SAMMSON: variants seen among roughly 807,000 people sequenced by gnomAD.
SAMMSON encodes the protein long intergenic non-protein coding RNA 1212.
At chr3:70,419,954 A>G (rs867017198) in intron 2 of SAMMSON, among the ~76,000 whole-genome samples, 14 of 152,218 alleles carry the variant, frequency 9.2e-5, no homozygotes, top group Non-Finnish European at 1.2e-4. Flanking sequence ...TTTTATACAT[A>G]GAGTTTTTTG....
intron 4 of SAMMSON, among the ~76,000 whole-genome samples, chr3:70,136,878 A>T (rs942148577): frequency 1.3e-5 from 2 of 152,168 alleles, no homozygotes; most frequent in Non-Finnish European, 2.9e-5. Flanking sequence ...TTTTATAGTT[A>T]TGATCAACAG....
At chr3:70,158,172 C>T (rs1320316249) in intron 4 of SAMMSON, among the ~76,000 whole-genome samples, 2 of 152,040 alleles carry the variant, frequency 1.3e-5, no homozygotes, top group East Asian at 3.9e-4. Flanking sequence ...ATCATCCTGG[C>T]ATGATTCCTC....
chr3:70,182,950 A>G (rs958720108), intron 4 of SAMMSON, among the ~76,000 whole-genome samples: 1 of 152,196 alleles, frequency 6.6e-6, no homozygotes. Flanking sequence ...AACGAAAAAG[A>G]CTTCAACAAG....
chr3:70,189,690 T>C (rs1701117235), intron 4 of SAMMSON, among the ~76,000 whole-genome samples: 2 of 152,254 alleles, frequency 1.3e-5, no homozygotes, highest in Non-Finnish European at 2.9e-5. Context: ...GCTCCAGATT[T>C]GGTAAGTAAT....
chr3:70,008,552 G>C (rs1040994841), intron 1 of SAMMSON, among the ~76,000 whole-genome samples: 1 of 152,266 alleles, frequency 6.6e-6, no homozygotes, highest in South Asian at 2.1e-4. Context: ...AGATGATGGG[G>C]TTTTCTAGAT....
chr3:70,059,680 A>G (rs73836035), intron 3 of SAMMSON, among the ~76,000 whole-genome samples: 2,834 of 152,146 alleles, frequency 0.019, 88 homozygotes, highest in African/African-American at 0.063. Flanking sequence ...TGCTAATCTC[A>G]TCTGGAAACA....
chr3:70,029,752 CA>C (rs5849936), intron 3 of SAMMSON, among the ~76,000 whole-genome samples: 14,169 of 78,794 alleles, frequency 0.18, 538 homozygotes, highest in Admixed American at 0.26. Flanking sequence ...AAGACTCTGT[CA>C]AAAAAAAAAA....
At chr3:70,066,597 A>T (rs2067211121) in intron 3 of SAMMSON, among the ~76,000 whole-genome samples, 1 of 152,142 alleles carries the variant, frequency 6.6e-6, no homozygotes. Context: ...ACAGAGTATC[A>T]TATTTATATC....
At chr3:70,325,286 GC>G (rs1702570282) in intron 7 of SAMMSON, among the ~76,000 whole-genome samples, 1 of 152,102 alleles carries the variant, frequency 6.6e-6, no homozygotes, top group Non-Finnish European at 1.5e-5. Flanking sequence ...GAACTGACCT[GC>G]CCCAAGTGAG....
intron 7 of SAMMSON, among the ~76,000 whole-genome samples, chr3:70,342,551 CT>C (rs1167321835): frequency 3.3e-5 from 5 of 152,066 alleles, no homozygotes; most frequent in Non-Finnish European, 5.9e-5. Context: ...TCAATTGCCA[CT>C]TTTTTTTCAC....
chr3:70,345,121 A>G (rs1702740895), intron 7 of SAMMSON, among the ~76,000 whole-genome samples: 1 of 152,166 alleles, frequency 6.6e-6, no homozygotes, highest in Non-Finnish European at 1.5e-5. Context: ...CGATGTCTCC[A>G]TCTCTAATCC....
intron 4 of SAMMSON, among the ~76,000 whole-genome samples, chr3:70,230,138 C>T (rs1701544122): frequency 6.6e-6 from 1 of 152,084 alleles, no homozygotes; most frequent in Admixed American, 6.6e-5. Context: ...AATGGTCAGG[C>T]CGAAATTGAA....
At chr3:70,422,391 T>A (rs1346901070) in intron 2 of SAMMSON, among the ~76,000 whole-genome samples, 1 of 152,060 alleles carries the variant, frequency 6.6e-6, no homozygotes, top group Non-Finnish European at 1.5e-5. Context: ...GCTTTTACCA[T>A]ATTAATATTT....
chr3:70,113,667 A>T (rs966293331), intron 4 of SAMMSON, among the ~76,000 whole-genome samples: 1 of 152,180 alleles, frequency 6.6e-6, no homozygotes, highest in Non-Finnish European at 1.5e-5. Flanking sequence ...ATGTCGAAAC[A>T]AATGTTATGG....
At chr3:70,406,817 T>C (rs9849165) in intron 2 of SAMMSON, among the ~76,000 whole-genome samples, 36,338 of 152,068 alleles carry the variant, frequency 0.24, 4,856 homozygotes, top group Middle Eastern at 0.33. Flanking sequence ...AGACAATAGT[T>C]GAGACAGGTA....
intron 3 of SAMMSON, among the ~76,000 whole-genome samples, chr3:70,038,879 G>C (rs991217444): frequency 2.6e-5 from 4 of 152,100 alleles, no homozygotes; most frequent in African/African-American, 9.7e-5. Context: ...CACAAATAGA[G>C]GTTTGTGGCT....
intron 4 of SAMMSON, among the ~76,000 whole-genome samples, chr3:70,198,843 A>T (rs9873121): frequency 6.6e-6 from 1 of 152,090 alleles, no homozygotes; most frequent in Non-Finnish European, 1.5e-5. Flanking sequence ...CAACTCTCCC[A>T]TATCTCATAA....
intron 9 of SAMMSON, among the ~76,000 whole-genome samples, chr3:70,381,397 C>T (rs962526909): frequency 2.6e-5 from 4 of 152,190 alleles, no homozygotes; most frequent in Non-Finnish European, 4.4e-5. Flanking sequence ...GATTCCAAAA[C>T]GATGGGGTGA....
chr3:70,021,793 A>T (rs1382138294), intron 3 of SAMMSON, among the ~76,000 whole-genome samples: 1 of 152,188 alleles, frequency 6.6e-6, no homozygotes, highest in African/African-American at 2.4e-5. Context: ...CATTTGTACA[A>T]ATCTGTTTTT....
Sources: gnomAD v4.1 joint callset for allele counts (sites outside exome capture counted in the v4.1 genomes callset) on GRCh38, gnomAD v4.1.1 for gene constraint, MANE v1.5 for transcripts, NCBI Gene and HGNC (gene_info 2026-07-23, HGNC 2026-07-21) for gene names.